Variants in RPTOR observed in about 807,000 individuals in gnomAD.
RPTOR encodes regulatory associated protein of MTOR complex 1.
RPTOR carries 21 observed loss-of-function variants against 169.9 expected under a neutral mutation model. The ratio of observed to expected loss-of-function variants is 0.12; its 90% confidence interval spans 0.09 to 0.18. RPTOR has a LOEUF of 0.18. Among genes scored for constraint, RPTOR ranks in the 10% least tolerant of loss-of-function variants. RPTOR has a pLI of 1.00. For synonymous variants in RPTOR, 732 were observed against 753.2 expected (o/e 0.97, Z 0.46); for missense variants, 1,133 against 1,855.9 (o/e 0.61, Z 7.16).
rs79730587 is a variant in RPTOR, at chr17:80,785,375, C to T, written c.831-6075C>T. On this transcript the variant is annotated intron_variant, in intron 6 of 33. Transcript: ENST00000306801. ...TTATTTGGGAAGCAAGATTTACAGT[C>T]GAAGGCATACAGGCAGACCAGGTGG... Among the ~76,000 whole-genome samples, 1,224 of 152,270 alleles carry T rather than the reference C, an allele frequency of 8.0e-3. 20 individuals are homozygous for T. The highest frequency in any genetic ancestry group is 0.028 in the African/African-American group (1,179 of 41,532).
intron 2 of RPTOR, among the ~76,000 whole-genome samples, chr17:80,635,430 A>C (rs537845636): frequency 1.3e-5 from 2 of 152,342 alleles, no homozygotes; most frequent in South Asian, 4.1e-4. Context: ...TTTAGGTTTC[A>C]GGCCTGGTCA....
intron 28 of RPTOR, among the ~76,000 whole-genome samples, chr17:80,950,421 C>T (rs766491425): frequency 5.3e-4 from 81 of 152,318 alleles, no homozygotes; most frequent in Non-Finnish European, 9.6e-4. Flanking sequence ...GTCTGAGCAC[C>T]TGTCCCGGGA....
chr17:80,849,679 C>T (rs976397928), intron 11 of RPTOR, among the ~76,000 whole-genome samples: 2 of 152,288 alleles, frequency 1.3e-5, no homozygotes, highest in Middle Eastern at 3.4e-3. Flanking sequence ...CCACCATGCC[C>T]GGCTAATTTT....
chr17:80,850,677 A>C (rs1399925196), intron 11 of RPTOR, among the ~76,000 whole-genome samples: 2 of 152,062 alleles, frequency 1.3e-5, no homozygotes, highest in East Asian at 3.9e-4. Context: ...TCCGTGCATC[A>C]TTTTTTTTAC....
At chr17:80,747,460 G>A (rs995930974) in intron 5 of RPTOR, among the ~76,000 whole-genome samples, 1 of 152,196 alleles carries the variant, frequency 6.6e-6, no homozygotes, top group African/African-American at 2.4e-5. Flanking sequence ...ACTTTGGGGG[G>A]CTTCTTAAAT....
chr17:80,764,821 C>G (rs1313319166), intron 6 of RPTOR, among the ~76,000 whole-genome samples: 2 of 152,164 alleles, frequency 1.3e-5, no homozygotes, highest in Non-Finnish European at 2.9e-5. Context: ...TCTCCAGCAC[C>G]TGTTGTTTCC....
intron 3 of RPTOR, among the ~76,000 whole-genome samples, chr17:80,649,611 A>G (rs1016430799): frequency 6.6e-6 from 1 of 152,224 alleles, no homozygotes; most frequent in Non-Finnish European, 1.5e-5. Flanking sequence ...TACTCATTAA[A>G]TTTGCAGGAC....
At chr17:80,896,420 C>T (rs1179106826) in intron 20 of RPTOR, among the ~76,000 whole-genome samples, 1 of 65,876 alleles carries the variant, frequency 1.5e-5, no homozygotes, top group South Asian at 3.7e-4. Flanking sequence ...ACACCCCACA[C>T]GGCCTCGCCA....
intron 6 of RPTOR, among the ~76,000 whole-genome samples, chr17:80,790,684 A>G (rs2067038624): frequency 6.6e-6 from 1 of 152,150 alleles, no homozygotes; most frequent in African/African-American, 2.4e-5. Context: ...TCCAGCCAAC[A>G]GTCCGCGAGT....
rs116570286 is a variant in RPTOR at position 80,633,342 on chromosome 17, C to G, written c.265+7549C>G. Among the ~76,000 whole-genome samples, 353 of 152,346 alleles carry G rather than the reference C, an allele frequency of 2.3e-3. 6 individuals are homozygous for G. The highest frequency in any genetic ancestry group is 8.0e-3 in the African/African-American group (332 of 41,574). On this transcript the variant is annotated intron_variant, in intron 2 of 33. Transcript: ENST00000306801. The surrounding 1 kb of genome is among the most constrained non-coding windows in gnomAD (Gnocchi z 4.1). The stretch of plus-strand genomic sequence containing the variant: ...CCGCTGCATGCAGGTTTGCCAGTGT[C>G]CCAGGAATGTCCTTTGTAGCGCCAG...
At chr17:80,828,818 C>A (rs2067472995) in intron 9 of RPTOR, among the ~76,000 whole-genome samples, 1 of 152,102 alleles carries the variant, frequency 6.6e-6, no homozygotes, top group Admixed American at 6.5e-5. Context: ...TACTACCTAA[C>A]AGAATAGGAA....
At chr17:80,698,852 G>T (rs917104545) in intron 3 of RPTOR, among the ~76,000 whole-genome samples, 16 of 152,352 alleles carry the variant, frequency 1.1e-4, no homozygotes, top group African/African-American at 3.6e-4. Flanking sequence ...CAGCTCTTCA[G>T]GGGGTAGTGC....
At chr17:80,875,497 T>A (rs1224431611) in intron 13 of RPTOR, among the ~76,000 whole-genome samples, 1 of 152,158 alleles carries the variant, frequency 6.6e-6, no homozygotes, top group Non-Finnish European at 1.5e-5. Context: ...AAAAATGTCA[T>A]GTTCATGCTC....
chr17:80,550,306 C>G (rs543318875), intron 1 of RPTOR, among the ~76,000 whole-genome samples: 1 of 152,320 alleles, frequency 6.6e-6, no homozygotes, highest in Admixed American at 6.5e-5. Context: ...TCATAAAGCT[C>G]TTTCCTCACT....
At chr17:80,930,402 C>G (rs200159261) in intron 24 of RPTOR, among the ~76,000 whole-genome samples, 1 of 14,206 alleles carries the variant, frequency 7.0e-5, no homozygotes, top group Non-Finnish European at 1.6e-4. Flanking sequence ...TCATTCTCAG[C>G]TCATCCCCAG....
chr17:80,842,087 G>A (rs1341601911), intron 10 of RPTOR, among the ~76,000 whole-genome samples: 1 of 152,150 alleles, frequency 6.6e-6, no homozygotes, highest in Non-Finnish European at 1.5e-5. Flanking sequence ...TCATTGCAAG[G>A]TGGACACCAT....
intron 7 of RPTOR, chr17:80,804,181 T>C (rs546643887): frequency 6.6e-6 from 1 of 152,232 alleles, no homozygotes; most frequent in South Asian, 2.1e-4. Context: ...TGACCCGCAG[T>C]GGCCGCAGAA....
chr17:80,765,692 C>CGAAA (rs1292433073), intron 6 of RPTOR, among the ~76,000 whole-genome samples: 6 of 152,186 alleles, frequency 3.9e-5, no homozygotes, highest in Non-Finnish European at 1.5e-5. Context: ...CCCAGCGTCT[C>CGAAA]TCATTTGCCA....
At chr17:80,728,800 A>C (rs2066363271) in intron 4 of RPTOR, among the ~76,000 whole-genome samples, 1 of 151,928 alleles carries the variant, frequency 6.6e-6, no homozygotes, top group African/African-American at 2.4e-5. Flanking sequence ...AAAAACCCAG[A>C]AGGTATTTTG....
Sources: gnomAD v4.1 joint callset for allele counts (sites outside exome capture counted in the v4.1 genomes callset) on GRCh38, gnomAD v4.1.1 for gene constraint, Gnocchi (gnomAD v3.1) non-coding constraint, MANE v1.5 for transcripts, NCBI Gene and HGNC (gene_info 2026-07-23, HGNC 2026-07-21) for gene names.